Variants in STK38 observed in about 807,000 individuals in gnomAD.
STK38 encodes serine/threonine kinase 38.
STK38 carries 26 observed loss-of-function variants against 59.0 expected under a neutral mutation model. That is an observed-to-expected ratio of 0.44 (90% CI 0.32 to 0.61). STK38 has a LOEUF of 0.61. Ranked by LOEUF, STK38 falls within the 20% of genes least tolerant of loss-of-function variation. The probability of loss-of-function intolerance (pLI) is 0.04; values close to 1 mark genes in which losing one functional copy is unlikely to be tolerated. For synonymous variants in STK38, 175 were observed against 176.6 expected (o/e 0.99, Z 0.07); for missense variants, 433 against 566.0 (o/e 0.76, Z 2.38).
chr6:36,496,650 C>G (rs773255069), intron 13 of STK38, 61 bp downstream of exon 13: 87 of 1,277,038 alleles, frequency 6.8e-5, no homozygotes, highest in Non-Finnish European at 9.6e-5. Context: ...AAACATCATC[C>G]CAAAATTGGG....
At chr6:36,504,058 A>C (rs1056210379) in intron 9 of STK38, among the ~76,000 whole-genome samples, 1 of 152,224 alleles carries the variant, frequency 6.6e-6, no homozygotes, top group Non-Finnish European at 1.5e-5. Context: ...GGTTGTTAAC[A>C]GTCATTTCAA....
chr6:36,543,128 G>A (rs568509041), intron 1 of STK38, among the ~76,000 whole-genome samples: 3 of 149,642 alleles, frequency 2.0e-5, no homozygotes, highest in Non-Finnish European at 4.5e-5. Context: ...GCAGTGGCGC[G>A]ATCTCGGCTC....
chr6:36,498,068 T>C (rs566722491), intron 11 of STK38, among the ~76,000 whole-genome samples, 193 bp from the exon 12 acceptor site: 1 of 151,550 alleles, frequency 6.6e-6, no homozygotes, highest in Middle Eastern at 3.4e-3. Context: ...GCCTCCCAAG[T>C]GGCTGGGACC....
intron 2 of STK38, among the ~76,000 whole-genome samples, chr6:36,530,041 C>T (rs1777628651): frequency 6.6e-6 from 1 of 152,052 alleles, no homozygotes; most frequent in Non-Finnish European, 1.5e-5. Flanking sequence ...AGGAGTTGGA[C>T]ACCAGCCTGG....
chr6:36,498,416 C>CA lies in STK38; in HGVS notation c.1022dup (p.Leu341PhefsTer11). On this transcript the variant is annotated frameshift_variant, in exon 11 of 14. Transcript: ENST00000229812. LOFTEE classifies it high-confidence loss of function. ...AGATGGGAACTTCTGGAGGAAAAGT[C>CA]AAAGTTTCTTTCCAGTTCATCACCT... The CA allele has an allele frequency of 6.2e-7, 1 of 1,613,992 alleles. No individual in the cohort carries two copies. The highest frequency in any genetic ancestry group is 8.5e-7 in the Non-Finnish European group (1 of 1,179,966).
At chr6:36,527,212 A>ATG (rs202063693) in intron 2 of STK38, among the ~76,000 whole-genome samples, 5 of 132,880 alleles carry the variant, frequency 3.8e-5, no homozygotes, top group South Asian at 4.6e-4. Flanking sequence ...AAAAAAATAT[A>ATG]TGTATATATA....
chr6:36,534,555 AG>A (rs1170067398), intron 2 of STK38, among the ~76,000 whole-genome samples: 1 of 152,122 alleles, frequency 6.6e-6, no homozygotes, highest in Non-Finnish European at 1.5e-5. Context: ...CGTAAGGCTG[AG>A]GTGGGAAAAT....
chr6:36,538,022 C>T (rs944877847), intron 2 of STK38, among the ~76,000 whole-genome samples: 49 of 152,166 alleles, frequency 3.2e-4, no homozygotes, highest in African/African-American at 1.2e-3. Context: ...AAATCACAAC[C>T]AGGCACGGTG....
At chr6:36,513,461 C>T (rs1054527285) in intron 7 of STK38, among the ~76,000 whole-genome samples, 7 of 151,660 alleles carry the variant, frequency 4.6e-5, no homozygotes, top group African/African-American at 1.5e-4. Flanking sequence ...ACTACAGGCA[C>T]ACTCCACCAC....
At chr6:36,538,351 T>C (rs1777848472) in intron 2 of STK38, among the ~76,000 whole-genome samples, 1 of 152,148 alleles carries the variant, frequency 6.6e-6, no homozygotes, top group African/African-American at 2.4e-5. Context: ...TGGTTGTCTT[T>C]GTCTAAGGTT....
At chr6:36,522,846 A>G in intron 4 of STK38, among the ~76,000 whole-genome samples, 1 of 99,854 alleles carries the variant, frequency 1.0e-5, no homozygotes, top group African/African-American at 4.7e-5. Context: ...ACAGAGCAAG[A>G]CTCTGTCTCA....
chr6:36,532,309 TAAA>T (rs1359068323), intron 2 of STK38, among the ~76,000 whole-genome samples: 1 of 67,508 alleles, frequency 1.5e-5, no homozygotes, highest in Non-Finnish European at 3.2e-5. Flanking sequence ...CTTGTCTGCA[TAAA>T]AAAAAAAAAA....
intron 9 of STK38, among the ~76,000 whole-genome samples, chr6:36,504,531 G>T (rs980485900): frequency 6.6e-6 from 1 of 152,132 alleles, no homozygotes; most frequent in Non-Finnish European, 1.5e-5. Context: ...AGACTGAGAG[G>T]TGGCTTCATT....
intron 2 of STK38, among the ~76,000 whole-genome samples, chr6:36,528,736 C>T (rs1357289824): frequency 6.6e-6 from 1 of 152,220 alleles, no homozygotes; most frequent in African/African-American, 2.4e-5. Flanking sequence ...AAGAACACAG[C>T]TGTGGTCAGC....
chr6:36,534,902 C>A (rs1404755144), intron 2 of STK38, among the ~76,000 whole-genome samples: 1 of 148,310 alleles, frequency 6.7e-6, no homozygotes, highest in Non-Finnish European at 1.5e-5. Flanking sequence ...CTGAATATCA[C>A]AAGATTGTTT....
At chr6:36,528,666 G>C (rs1210236055) in intron 2 of STK38, among the ~76,000 whole-genome samples, 1 of 152,226 alleles carries the variant, frequency 6.6e-6, no homozygotes, top group African/African-American at 2.4e-5. Flanking sequence ...CAAGTGGTTA[G>C]GTAGTTGAAG....
intron 6 of STK38, among the ~76,000 whole-genome samples, chr6:36,515,944 C>T (rs7738841): frequency 0.021 from 3,153 of 152,250 alleles, 93 homozygotes; most frequent in African/African-American, 0.065. Context: ...AAAATGTAAA[C>T]ACTCGGGCAG....
At chr6:36,536,824 C>A (rs986931504) in intron 2 of STK38, among the ~76,000 whole-genome samples, 12 of 151,874 alleles carry the variant, frequency 7.9e-5, no homozygotes, top group Admixed American at 7.2e-4. Context: ...GTGTGAGCCA[C>A]CGCACCTGGC....
chr6:36,543,183 G>C (rs1405284988), intron 1 of STK38, among the ~76,000 whole-genome samples: 3 of 151,200 alleles, frequency 2.0e-5, no homozygotes, highest in African/African-American at 7.3e-5. Context: ...TCCTGCCTCA[G>C]CCTCCCGAGT....
Sources: gnomAD v4.1 joint callset for allele counts (sites outside exome capture counted in the v4.1 genomes callset) on GRCh38, gnomAD v4.1.1 for gene constraint, MANE v1.5 for transcripts, NCBI Gene and HGNC (gene_info 2026-07-23, HGNC 2026-07-21) for gene names.